TTLL1: variants seen among roughly 807,000 people sequenced by gnomAD.
TTLL1 encodes the protein TTL family tubulin polyglutamylase complex subunit L1, also known as polyglutamylase complex subunit TTLL1.
A neutral mutation model predicts 47.8 loss-of-function variants in TTLL1; 33 were observed. That is an observed-to-expected ratio of 0.69 (90% confidence interval 0.52 to 0.92). The LOEUF is 0.92. Ranked by LOEUF, TTLL1 falls within the 40% of genes least tolerant of loss-of-function variation. The pLI is 0.00. For missense variants in TTLL1, 488 were observed against 547.5 expected, an observed-to-expected ratio of 0.89 and a Z score of 1.08; for synonymous variants, 225 against 214.1, an observed-to-expected ratio of 1.05 and a Z score of -0.45.
At chr22:43,079,214 CGTG>C (rs1928716930) in intron 2 of TTLL1, among the ~76,000 whole-genome samples, 1 of 102,544 alleles carries the variant, frequency 9.8e-6, no homozygotes, top group Admixed American at 9.7e-5. Context: ...CACCCCAGAG[CGTG>C]AGCCCATCCC....
At chr22:43,082,159 ATT>A (rs112916743) in intron 1 of TTLL1, among the ~76,000 whole-genome samples, 1 of 144,072 alleles carries the variant, frequency 6.9e-6, no homozygotes, top group Admixed American at 7.0e-5. Context: ...GACCCCTTCC[ATT>A]TTTTTTTTTT....
intron 1 of TTLL1, among the ~76,000 whole-genome samples, chr22:43,087,655 T>C (rs186542620): frequency 6.7e-6 from 1 of 149,986 alleles, no homozygotes; most frequent in Admixed American, 6.7e-5. Context: ...CTGGCCAACA[T>C]GGTGAAACCC....
At position 43,054,423 on chromosome 22, in the gene TTLL1, C is replaced by CT. The variant is rs767193512; in HGVS notation, c.892-2537dup. On this transcript the variant is annotated intron_variant, in intron 8 of 10. Coordinates refer to ENST00000266254, the MANE Select transcript of TTLL1 (RefSeq NM_012263.5). ...TCAAGGCACCAACCCGACATAATCTCTTTTTTTTTTTTTTTTTTGAGATGG... is the reference window on the plus strand; with the variant it reads ...TCAAGGCACCAACCCGACATAATCTCTTTTTTTTTTTTTTTTTTTGAGATGG... 6.5e-3 allele frequency among the ~76,000 whole-genome samples: 899 copies of CT among 139,230 alleles called. 5 individuals carry two copies. The highest frequency in any genetic ancestry group is 0.014 in the African/African-American group (536 of 38,008). 91.3% of individuals were successfully genotyped at this position (139,230 alleles called of 152,430 possible). A position where few individuals can be genotyped will look rare whatever the true frequency, so the allele number is the denominator to read the frequency against.
intron 1 of TTLL1, among the ~76,000 whole-genome samples, chr22:43,084,962 C>CTTT (rs148980685): frequency 3.5e-4 from 39 of 112,742 alleles, no homozygotes; most frequent in Non-Finnish European, 4.1e-4. Context: ...AAGCTGCCAC[C>CTTT]TTTTTTTTTT....
At chr22:43,042,358 A>G (rs1470552842) in intron 10 of TTLL1, among the ~76,000 whole-genome samples, 1 of 152,200 alleles carries the variant, frequency 6.6e-6, no homozygotes, top group Non-Finnish European at 1.5e-5. Context: ...CTGGCCACCT[A>G]CCGAGCCAAC....
intron 5 of TTLL1, among the ~76,000 whole-genome samples, chr22:43,067,970 ATTT>A (rs528981760): frequency 7.7e-6 from 1 of 129,636 alleles, no homozygotes. Flanking sequence ...CACCTGGCTA[ATTT>A]TTTTTTTTTT....
intron 3 of TTLL1, among the ~76,000 whole-genome samples, chr22:43,071,110 A>T (rs142850717): frequency 0.013 from 1,932 of 151,764 alleles, 49 homozygotes; most frequent in African/African-American, 0.045. Context: ...AGAGATGGGG[A>T]TTTGCCATGT....
intron 7 of TTLL1, among the ~76,000 whole-genome samples, chr22:43,063,581 C>T (rs1288339051): frequency 6.6e-6 from 1 of 151,868 alleles, no homozygotes; most frequent in East Asian, 1.9e-4. Flanking sequence ...TCTCCTGCCT[C>T]AGCCTCCCGA....
At chr22:43,052,608 G>GT (rs1196850710) in intron 8 of TTLL1, among the ~76,000 whole-genome samples, 1 of 152,060 alleles carries the variant, frequency 6.6e-6, no homozygotes, top group Non-Finnish European at 1.5e-5. Context: ...GGGTGTGGTG[G>GT]TATGTGCCAT....
intron 9 of TTLL1, among the ~76,000 whole-genome samples, chr22:43,050,043 G>A (rs1211089736): frequency 6.6e-6 from 1 of 152,012 alleles, no homozygotes; most frequent in Non-Finnish European, 1.5e-5. Context: ...GTTGCAGTGA[G>A]CCGAGATTGC....
chr22:43,073,444 C>A (rs1383127012), intron 3 of TTLL1, among the ~76,000 whole-genome samples: 1 of 151,948 alleles, frequency 6.6e-6, no homozygotes, highest in Non-Finnish European at 1.5e-5. Flanking sequence ...GCAACCTCTG[C>A]CTCCCAGGTT....
chr22:43,078,458 T>C (rs1339681971), intron 2 of TTLL1, among the ~76,000 whole-genome samples: 1 of 151,806 alleles, frequency 6.6e-6, no homozygotes, highest in Non-Finnish European at 1.5e-5. Context: ...ATCGCACCAT[T>C]GCACTCTAGC....
At chr22:43,082,671 G>T (rs1349269795) in intron 1 of TTLL1, among the ~76,000 whole-genome samples, 1 of 150,524 alleles carries the variant, frequency 6.6e-6, no homozygotes, top group Non-Finnish European at 1.5e-5. Flanking sequence ...GGCCAAGATT[G>T]TACCACTGCA....
At chr22:43,077,943 C>CA (rs1168910000) in intron 2 of TTLL1, among the ~76,000 whole-genome samples, 1 of 151,366 alleles carries the variant, frequency 6.6e-6, no homozygotes, top group African/African-American at 2.4e-5. Context: ...CCCATCTCTA[C>CA]AAAAAAATAC....
Position 43,056,462 on chromosome 22 carries a change from CTTTTTTT to C in TTLL1, c.891+2915_891+2921del, listed in dbSNP as rs1052016247. ...CACACATTTCCATCTTTCTTCTTGT[CTTTTTTT>C]TTTTTTTTTTTTTTTTTAAAGAGAC... On this transcript the variant is annotated intron_variant, in intron 8 of 10. Transcript: ENST00000266254. 7.7e-5 allele frequency among the ~76,000 whole-genome samples: 8 copies of C among 103,708 alleles called. No homozygotes were observed. The East Asian group carries it at 1.1e-3, about 14-fold the overall frequency. The allele number at this position is 103,708 out of a possible 152,430, so 68.0% of individuals were successfully genotyped here.
At chr22:43,049,270 T>A (rs1486869555) in intron 9 of TTLL1, among the ~76,000 whole-genome samples, 1 of 152,020 alleles carries the variant, frequency 6.6e-6, no homozygotes, top group African/African-American at 2.4e-5. Flanking sequence ...ATGCCTGTAA[T>A]CCCAGCACTT....
intron 1 of TTLL1, among the ~76,000 whole-genome samples, chr22:43,081,706 C>A (rs1928900957): frequency 6.6e-6 from 1 of 151,702 alleles, no homozygotes; most frequent in South Asian, 2.1e-4. Context: ...TGCCACCACG[C>A]CCAGCTAATT....
chr22:43,054,199 C>A (rs1420447802), intron 8 of TTLL1, among the ~76,000 whole-genome samples: 1 of 152,176 alleles, frequency 6.6e-6, no homozygotes, highest in African/African-American at 2.4e-5. Context: ...CAAGCTGCAA[C>A]CCAAGCCACC....
At chr22:43,062,033 A>T (rs1337304664) in intron 7 of TTLL1, among the ~76,000 whole-genome samples, 1 of 152,122 alleles carries the variant, frequency 6.6e-6, no homozygotes, top group African/African-American at 2.4e-5. Context: ...CTCCCCTGGA[A>T]GCTCTGGGAT....
Sources: allele counts gnomAD v4.1 joint callset (sites outside exome capture counted in the v4.1 genomes callset), GRCh38; gene constraint gnomAD v4.1.1; transcripts MANE v1.5; gene names NCBI Gene and HGNC (gene_info 2026-07-23, HGNC 2026-07-21).